The following GRIK2 variants were observed in gnomAD, a reference collection of about 807,000 sequenced individuals.
GRIK2 encodes the protein glutamate ionotropic receptor kainate type subunit 2.
In GRIK2, 32 loss-of-function variants were observed where a neutral mutation model predicts 100.3. The ratio of observed to expected loss-of-function variants is 0.32; its 90% CI spans 0.24 to 0.43. GRIK2 has a LOEUF of 0.43. Ranked by LOEUF, GRIK2 falls within the 20% of genes least tolerant of loss-of-function variation. The pLI is 1.00. For synonymous variants in GRIK2, 417 were observed against 389.4 expected (o/e 1.07, Z -0.83); for missense variants, 843 against 1,114.9 (o/e 0.76, Z 3.47).
At chr6:101,649,165 CTG>C (rs1313003490) in intron 4 of GRIK2, among the ~76,000 whole-genome samples, 1 of 152,104 alleles carries the variant, frequency 6.6e-6, no homozygotes, top group Admixed American at 6.6e-5. Context: ...TTCCTTCTAA[CTG>C]TGCTCTCTCC....
intron 5 of GRIK2, among the ~76,000 whole-genome samples, chr6:101,680,007 G>C (rs1388975995): frequency 6.6e-6 from 1 of 152,092 alleles, no homozygotes; most frequent in Non-Finnish European, 1.5e-5. Context: ...CAAAGTGCTG[G>C]GATTACAGGC....
intron 12 of GRIK2, among the ~76,000 whole-genome samples, chr6:101,892,043 T>G (rs920115120): frequency 1.4e-4 from 21 of 152,168 alleles, no homozygotes; most frequent in African/African-American, 5.1e-4. Context: ...AAAGTCTTCC[T>G]TAATGTTTGC....
chr6:101,437,129 A>G (rs1769767364), intron 2 of GRIK2, among the ~76,000 whole-genome samples: 1 of 152,046 alleles, frequency 6.6e-6, no homozygotes, highest in African/African-American at 2.4e-5. Flanking sequence ...GCCTAAATTT[A>G]CTAAAGACTG....
At chr6:101,573,139 C>T (rs1327841891) in intron 2 of GRIK2, among the ~76,000 whole-genome samples, 1 of 152,106 alleles carries the variant, frequency 6.6e-6, no homozygotes, top group Non-Finnish European at 1.5e-5. Flanking sequence ...AGCCACCACA[C>T]CCAGACACTT....
At chr6:102,050,481 G>A (rs564595814) in intron 15 of GRIK2, among the ~76,000 whole-genome samples, 58 of 151,734 alleles carry the variant, frequency 3.8e-4, no homozygotes, top group Admixed American at 1.1e-3. Context: ...ATGAAACCCC[G>A]TCTCCACTAA....
At chr6:101,850,128 A>G (rs978120856) in intron 10 of GRIK2, among the ~76,000 whole-genome samples, 1 of 152,044 alleles carries the variant, frequency 6.6e-6, no homozygotes, top group Non-Finnish European at 1.5e-5. Flanking sequence ...GCCTGTGAGA[A>G]CATTCTGCAT....
intron 2 of GRIK2, among the ~76,000 whole-genome samples, chr6:101,507,376 C>G (rs1433973363): frequency 6.6e-6 from 1 of 151,808 alleles, no homozygotes; most frequent in East Asian, 1.9e-4. Flanking sequence ...TTAAAAATAC[C>G]CATGATATTA....
chr6:101,548,872 C>G (rs952077186), intron 2 of GRIK2, among the ~76,000 whole-genome samples: 3 of 152,144 alleles, frequency 2.0e-5, no homozygotes, highest in Non-Finnish European at 4.4e-5. Context: ...AGTATATTCT[C>G]TCCTCATGCT....
chr6:101,420,516 C>G lies in GRIK2; in HGVS notation c.115+21124C>G, dbSNP rs1776362405. ...TCTGGACCAGCATCATCAGTACCAC[C>G]AGGGAAGTTGTTAGATATACAGATT... On this transcript the variant is annotated intron_variant, in intron 2 of 16. Transcript: ENST00000369134. 2.0e-5 allele frequency among the ~76,000 whole-genome samples: 3 copies of G among 152,196 alleles called. No individual in the cohort carries two copies. In the South Asian group the frequency reaches 6.2e-4, roughly 32 times the overall value.
chr6:101,424,620 G>T (rs559731706), intron 2 of GRIK2, among the ~76,000 whole-genome samples: 2 of 150,132 alleles, frequency 1.3e-5, no homozygotes, highest in Admixed American at 6.7e-5. Flanking sequence ...ACAATGTGCA[G>T]GTTTGTTACA....
At chr6:101,585,476 C>T (rs540330282) in intron 2 of GRIK2, among the ~76,000 whole-genome samples, 1 of 152,182 alleles carries the variant, frequency 6.6e-6, no homozygotes, top group South Asian at 2.1e-4. Flanking sequence ...GAGTAATTTA[C>T]ATACCCTAAT....
chr6:101,878,128 TATTAA>T (rs1785993159), intron 11 of GRIK2, among the ~76,000 whole-genome samples: 1 of 128,318 alleles, frequency 7.8e-6, no homozygotes, highest in African/African-American at 2.9e-5. Context: ...TATTATATTA[TATTAA>T]TGTACTGAAT....
At chr6:101,811,605 G>A (rs1484269459) in intron 9 of GRIK2, among the ~76,000 whole-genome samples, 2 of 151,728 alleles carry the variant, frequency 1.3e-5, no homozygotes, top group Non-Finnish European at 2.9e-5. Context: ...AAAATTTCTT[G>A]TATACATATC....
At chr6:101,854,028 A>G (rs900614669) in intron 10 of GRIK2, among the ~76,000 whole-genome samples, 1 of 152,162 alleles carries the variant, frequency 6.6e-6, no homozygotes, top group African/African-American at 2.4e-5. Flanking sequence ...TACATTTGTC[A>G]AAACTCATAA....
intron 2 of GRIK2, among the ~76,000 whole-genome samples, chr6:101,595,960 T>TAA (rs1778909529): frequency 1.3e-5 from 2 of 150,274 alleles, no homozygotes; most frequent in South Asian, 2.1e-4. Context: ...TTAAAATTTT[T>TAA]TTTTTTTTTT....
chr6:101,967,120 C>T (rs1357164688), intron 14 of GRIK2, among the ~76,000 whole-genome samples: 1 of 151,602 alleles, frequency 6.6e-6, no homozygotes, highest in Middle Eastern at 3.6e-3. Context: ...TAATATTAAA[C>T]ATTTTTATAG....
intron 2 of GRIK2, among the ~76,000 whole-genome samples, chr6:101,473,963 A>T (rs1582528578): frequency 6.6e-6 from 1 of 151,778 alleles, no homozygotes; most frequent in African/African-American, 2.4e-5. Flanking sequence ...TTTTTAAAAA[A>T]CCTGCTGCCT....
chr6:101,874,348 T>C (rs1785655083), intron 11 of GRIK2, among the ~76,000 whole-genome samples: 1 of 152,176 alleles, frequency 6.6e-6, no homozygotes, highest in South Asian at 2.1e-4. Context: ...ATTTATTAAA[T>C]AGGGAATCCT....
At chr6:101,758,329 T>A (rs2128388423) in intron 7 of GRIK2, among the ~76,000 whole-genome samples, 1 of 152,338 alleles carries the variant, frequency 6.6e-6, no homozygotes, top group South Asian at 2.1e-4. Context: ...TCAGTGTATT[T>A]CAGTACTTAT....
Sources: allele counts gnomAD v4.1 joint callset (sites outside exome capture counted in the v4.1 genomes callset), GRCh38; gene constraint gnomAD v4.1.1; transcripts MANE v1.5; gene names NCBI Gene and HGNC (gene_info 2026-07-23, HGNC 2026-07-21).